TRDN: variants seen among roughly 807,000 people sequenced by gnomAD.
TRDN encodes the protein triadin in skeletal muscle.
TRDN carries 161 observed loss-of-function variants against 149.7 expected under a neutral mutation model. That is an observed-to-expected ratio of 1.08 (90% CI 0.95 to 1.23). The LOEUF (loss-of-function observed/expected upper bound fraction) is 1.23. Among genes scored for constraint, TRDN ranks in the 50% most tolerant of loss-of-function variants. The probability of loss-of-function intolerance (pLI) is 0.00; values close to 1 mark genes in which losing one functional copy is unlikely to be tolerated. For missense variants in TRDN, 896 were observed against 823.5 expected, an observed-to-expected ratio of 1.09 and a Z score of -1.08; for synonymous variants, 294 against 250.5, an observed-to-expected ratio of 1.17 and a Z score of -1.64.
intron 1 of TRDN, among the ~76,000 whole-genome samples, chr6:123,627,045 C>T (rs1785710701): frequency 1.3e-5 from 2 of 151,986 alleles, no homozygotes; most frequent in African/African-American, 4.8e-5. Context: ...TCTCCTGCCT[C>T]AGCCTCCCAA....
intron 9 of TRDN, among the ~76,000 whole-genome samples, chr6:123,472,372 A>T (rs1777209200): frequency 6.6e-6 from 1 of 152,210 alleles, no homozygotes; most frequent in Non-Finnish European, 1.5e-5. Flanking sequence ...CGCTTTTCCG[A>T]CAGGCTTAAA....
intron 38 of TRDN, among the ~76,000 whole-genome samples, chr6:123,232,268 C>A (rs570574922): frequency 6.6e-6 from 1 of 151,708 alleles, no homozygotes; most frequent in Non-Finnish European, 1.5e-5. Flanking sequence ...AAAGGGCAGG[C>A]GACCCACAAT....
At chr6:123,529,204 T>G in intron 5 of TRDN, 1 of 1,547,740 alleles carries the variant, frequency 6.5e-7, no homozygotes, top group South Asian at 1.2e-5. Context: ...ACCAGTTGAG[T>G]TTCTGTTTAA....
At chr6:123,585,101 T>A (rs189144468) in intron 1 of TRDN, among the ~76,000 whole-genome samples, 4 of 150,842 alleles carry the variant, frequency 2.7e-5, no homozygotes, top group Non-Finnish European at 5.9e-5. Flanking sequence ...CATGATCGGT[T>A]GCCAAGGAGG....
intron 29 of TRDN, among the ~76,000 whole-genome samples, chr6:123,272,295 G>A (rs1777230300): frequency 6.6e-6 from 1 of 151,896 alleles, no homozygotes; most frequent in South Asian, 2.1e-4. Context: ...AGCCTGGAAT[G>A]AAAAATAATA....
At chr6:123,564,896 T>A (rs1473409360) in intron 2 of TRDN, among the ~76,000 whole-genome samples, 1 of 152,214 alleles carries the variant, frequency 6.6e-6, no homozygotes, top group Non-Finnish European at 1.5e-5. Flanking sequence ...GGTACAACCA[T>A]GTAATGATGT....
At chr6:123,484,281 G>T (rs546049262) in intron 9 of TRDN, among the ~76,000 whole-genome samples, 40 of 152,170 alleles carry the variant, frequency 2.6e-4, no homozygotes, top group African/African-American at 9.6e-4. Context: ...CTTAAGAAAA[G>T]GGGTAAGAAC....
At chr6:123,418,244 A>G (rs992436704) in intron 12 of TRDN, among the ~76,000 whole-genome samples, 1 of 152,118 alleles carries the variant, frequency 6.6e-6, no homozygotes, top group African/African-American at 2.4e-5. Flanking sequence ...CTCAGTAGGA[A>G]AAAGACTAAA....
chr6:123,564,776 C>A (rs1487062917), intron 2 of TRDN, among the ~76,000 whole-genome samples: 1 of 152,144 alleles, frequency 6.6e-6, no homozygotes, highest in African/African-American at 2.4e-5. Flanking sequence ...ATGTGCCAGG[C>A]ATGTAGGTTT....
intron 1 of TRDN, among the ~76,000 whole-genome samples, chr6:123,621,368 CA>C (rs1468232166): frequency 6.6e-6 from 1 of 152,142 alleles, no homozygotes; most frequent in Non-Finnish European, 1.5e-5. Flanking sequence ...TAGATTTAAA[CA>C]ATCCAGTTTG....
chr6:123,435,652 A>G lies in TRDN; in HGVS notation c.1051+2411T>C, dbSNP rs180812429. On this transcript the variant is annotated intron_variant, in intron 12 of 40. Coordinates refer to ENST00000334268, the MANE Select transcript of TRDN (RefSeq NM_006073.4). ...TCAGGAAGTTGAACTGATTTGGAAA[A>G]ATCAATGGAATTTTGTGTAATCAAA... 7.2e-5 allele frequency among the ~76,000 whole-genome samples: 11 copies of G among 152,192 alleles called. No homozygotes were observed. In the East Asian group the frequency reaches 1.9e-3, roughly 27 times the overall value.
chr6:123,280,975 TAAG>T (rs1480807298), intron 24 of TRDN, among the ~76,000 whole-genome samples: 5 of 151,964 alleles, frequency 3.3e-5, no homozygotes, highest in Non-Finnish European at 7.4e-5. Context: ...GTAAAACAAA[TAAG>T]GTAAAAAATT....
At chr6:123,544,318 A>C (rs1583218017) in intron 4 of TRDN, among the ~76,000 whole-genome samples, 1 of 150,574 alleles carries the variant, frequency 6.6e-6, no homozygotes, top group East Asian at 2.0e-4. Context: ...ATGTTACTTA[A>C]TTTTTTTGTC....
chr6:123,336,364 C>T (rs1027666358), intron 22 of TRDN, among the ~76,000 whole-genome samples: 2 of 151,998 alleles, frequency 1.3e-5, no homozygotes, highest in Non-Finnish European at 2.9e-5. Flanking sequence ...GCACATTTTG[C>T]TGAAACAAAT....
chr6:123,579,214 G>T (rs1041637354), intron 1 of TRDN, among the ~76,000 whole-genome samples: 1 of 152,088 alleles, frequency 6.6e-6, no homozygotes, highest in African/African-American at 2.4e-5. Flanking sequence ...TCATTTTCTT[G>T]TGCTGGTTTT....
intron 24 of TRDN, among the ~76,000 whole-genome samples, chr6:123,284,002 ATG>A (rs1491369486): frequency 1.6e-5 from 2 of 121,406 alleles, no homozygotes; most frequent in Non-Finnish European, 3.4e-5. Flanking sequence ...ATATATATAT[ATG>A]TAACAAACCT....
intron 23 of TRDN, among the ~76,000 whole-genome samples, chr6:123,320,531 A>G (rs1020226184): frequency 6.7e-6 from 1 of 149,528 alleles, no homozygotes; most frequent in African/African-American, 2.6e-5. Context: ...CTCAATTTAC[A>G]GATAGCAATA....
At chr6:123,345,352 A>G (rs891051451) in intron 21 of TRDN, among the ~76,000 whole-genome samples, 3 of 151,926 alleles carry the variant, frequency 2.0e-5, no homozygotes, top group African/African-American at 7.2e-5. Flanking sequence ...CTCCTTTGTC[A>G]AAGATCAGCT....
intron 1 of TRDN, among the ~76,000 whole-genome samples, chr6:123,599,466 C>T (rs1332732213): frequency 1.3e-5 from 2 of 152,164 alleles, no homozygotes; most frequent in African/African-American, 4.8e-5. Context: ...GTTCAGAATG[C>T]ATAATAGGTA....
Sources: allele counts gnomAD v4.1 joint callset (sites outside exome capture counted in the v4.1 genomes callset), GRCh38; gene constraint gnomAD v4.1.1; transcripts MANE v1.5; gene names NCBI Gene and HGNC (gene_info 2026-07-23, HGNC 2026-07-21).